ARHGEF4: variants seen among roughly 807,000 people sequenced by gnomAD.
The protein encoded by ARHGEF4 is APC-stimulated guanine nucleotide exchange factor 1.
In ARHGEF4, 119 loss-of-function variants were observed where a neutral mutation model predicts 162.0. The ratio of observed to expected loss-of-function variants is 0.73; its 90% confidence interval spans 0.63 to 0.86. The LOEUF is 0.86. ARHGEF4 is among the 40% of genes least tolerant of loss of function. ARHGEF4 has a pLI of 0.00. For synonymous variants in ARHGEF4, 1,014 were observed against 979.9 expected, an observed-to-expected ratio of 1.03 and a Z score of -0.65; for missense variants, 2,488 against 2,456.0, an observed-to-expected ratio of 1.01 and a Z score of -0.28.
intron 12 of ARHGEF4, among the ~76,000 whole-genome samples, chr2:131,044,992 A>T (rs983293498): frequency 1.3e-5 from 2 of 151,620 alleles, no homozygotes; most frequent in African/African-American, 4.8e-5. Flanking sequence ...TCTCCCCACT[A>T]CACCTTCCCT....
At chr2:130,962,550 A>G (rs1030478678) in intron 4 of ARHGEF4, among the ~76,000 whole-genome samples, 14 of 152,184 alleles carry the variant, frequency 9.2e-5, no homozygotes, top group African/African-American at 3.1e-4. Context: ...GAAAGCGTCT[A>G]TGAAGCTGCA....
chr2:131,046,387 C>CA lies in ARHGEF4; in HGVS notation c.*199dup, dbSNP rs2105429278. On this transcript the variant is annotated 3_prime_UTR_variant, in exon 14 of 14. Coordinates refer to ENST00000409359, the MANE Select transcript of ARHGEF4 (RefSeq NM_001367493.1). ...CCTGCTCCTGGTGCCCTGAAGAGAC[C>CA]AGCAAGGGGGCAGACCCCGCACTCG... is the stretch of plus-strand genomic sequence containing the variant. 1 of 615,004 alleles carries CA rather than the reference C, an allele frequency of 1.6e-6. No individual in the cohort carries two copies. The highest frequency in any genetic ancestry group is 2.9e-5 in the East Asian group (1 of 35,054). 38.1% of individuals were successfully genotyped at this position (615,004 alleles called of 1,614,324 possible).
At chr2:130,882,886 G>A (rs532709104) in intron 1 of ARHGEF4, among the ~76,000 whole-genome samples, 293 of 152,094 alleles carry the variant, frequency 1.9e-3, no homozygotes, top group Non-Finnish European at 3.5e-3. Flanking sequence ...AGGGACATAG[G>A]GCTGGACATC....
intron 3 of ARHGEF4, among the ~76,000 whole-genome samples, chr2:130,932,242 G>T (rs1025064214): frequency 2.0e-5 from 3 of 151,998 alleles, no homozygotes; most frequent in African/African-American, 7.2e-5. Context: ...TTCTTTGTAT[G>T]GCTAAGTAAC....
chr2:130,976,486 ATAGT>A (rs1685724202), intron 4 of ARHGEF4, among the ~76,000 whole-genome samples: 1 of 152,118 alleles, frequency 6.6e-6, no homozygotes, highest in Admixed American at 6.6e-5. Flanking sequence ...TGGGAAGAGA[ATAGT>A]TAGGCAGTCG....
intron 4 of ARHGEF4, among the ~76,000 whole-genome samples, chr2:131,015,790 C>T (rs1005684296): frequency 1.3e-5 from 2 of 152,198 alleles, no homozygotes; most frequent in Non-Finnish European, 2.9e-5. Context: ...CAAGCTTTGG[C>T]CCCTTGTGAG....
chr2:130,873,251 A>G (rs981629170), intron 1 of ARHGEF4, among the ~76,000 whole-genome samples: 1 of 152,206 alleles, frequency 6.6e-6, no homozygotes, highest in African/African-American at 2.4e-5. Flanking sequence ...GGCCTGTGGC[A>G]AAGGTTCAAC....
intron 4 of ARHGEF4, among the ~76,000 whole-genome samples, chr2:130,984,326 A>G (rs1686325312): frequency 6.6e-6 from 1 of 152,148 alleles, no homozygotes; most frequent in Non-Finnish European, 1.5e-5. Context: ...TGCAACTCCA[A>G]CCCACTTTCC....
chr2:130,925,729 C>G (rs1682202135), intron 2 of ARHGEF4, among the ~76,000 whole-genome samples: 1 of 152,190 alleles, frequency 6.6e-6, no homozygotes, highest in Admixed American at 6.5e-5. Context: ...TTTTTACCCT[C>G]TCACTGCTCT....
At position 130,916,313 on chromosome 2, in the gene ARHGEF4, G is replaced by A. The variant is rs753117494; in HGVS notation, c.2367G>A (p.Gly789=). The change falls in exon 2 of 14, where the codon GGG becomes GGA. Residue 789 remains glycine, a synonymous_variant. Transcript: ENST00000409359. Reference sequence around the variant, plus strand: ...TCCGCAAGGGCGCGCAGGAGCCTGGGAAGCGCCCGACGTTTTCCAAGGTGA... The same window carrying A: ...TCCGCAAGGGCGCGCAGGAGCCTGGAAAGCGCCCGACGTTTTCCAAGGTGA... ...RGLRKGAQEP[G]KRPTFSKVTS... 1.6e-4 allele frequency: 242 copies of A among 1,542,468 alleles called. 2 individuals carry two copies. Among genetic ancestry groups the A allele is most frequent in the Middle Eastern group, 2.2e-4 (1 of 4,616 alleles).
chr2:130,998,594 A>G (rs34612001), intron 4 of ARHGEF4, among the ~76,000 whole-genome samples: 11,782 of 152,208 alleles, frequency 0.077, 550 homozygotes, highest in African/African-American at 0.12. Context: ...TCTTTCACTT[A>G]CCAGTATGCA....
chr2:130,900,566 T>C (rs1680428696), intron 1 of ARHGEF4, among the ~76,000 whole-genome samples: 1 of 152,238 alleles, frequency 6.6e-6, no homozygotes, highest in Admixed American at 6.5e-5. Flanking sequence ...AATGTCTTTT[T>C]TGAAGCTTTA....
chr2:131,032,080 C>T (rs1350390921), intron 5 of ARHGEF4, among the ~76,000 whole-genome samples: 1 of 152,164 alleles, frequency 6.6e-6, no homozygotes, highest in Non-Finnish European at 1.5e-5. Flanking sequence ...TCATGTCTTG[C>T]AGCATCCTGT....
chr2:130,946,582 G>C lies in ARHGEF4; in HGVS notation c.3932G>C (p.Ser1311Thr). The C allele has an allele frequency of 8.1e-6, 13 of 1,614,112 alleles. No individual in the cohort carries two copies. Among genetic ancestry groups the C allele is most frequent in the Non-Finnish European group, 1.0e-5 (12 of 1,179,982 alleles). ...LPRRSHPLSQSAPTGLNHMGW... is the reference protein window; with the variant it reads ...LPRRSHPLSQTAPTGLNHMGW... ...AGAAGAAGCCATCCACTCTCCCAGA[G>C]TGCTCCAACGGGACTGAACCACATG... is the stretch of plus-strand genomic sequence containing the variant. The change falls in exon 4 of 14, where the codon AGT becomes ACT. Residue 1311 changes from serine (S) to threonine (T), a missense_variant. By Grantham distance (58) the Ser-to-Thr change is moderately conservative. Coordinates refer to ENST00000409359, the MANE Select transcript of ARHGEF4 (RefSeq NM_001367493.1).
In ARHGEF4 at chr2:130,916,528, C is replaced by G. The variant is rs1473640761; in HGVS notation, c.2582C>G (p.Pro861Arg). The G allele has an allele frequency of 1.9e-6, 3 of 1,549,588 alleles. No individual in the cohort carries two copies. The African/African-American group carries it at 4.1e-5, about 21-fold the overall frequency. Reference sequence around the variant, plus strand: ...GCCAGCGCCTGGCCCGAGTTTGTCCCGCAGGCTGCAGGCGACAGGACTGCA... The same window carrying G: ...GCCAGCGCCTGGCCCGAGTTTGTCCGGCAGGCTGCAGGCGACAGGACTGCA... ...GDASAWPEFVPQAAGDRTAGP... is the reference protein window; with the variant it reads ...GDASAWPEFVRQAAGDRTAGP... Residue 861 changes from proline (P) to arginine (R), a missense_variant, in exon 2 of 14, where the codon CCG (proline) becomes CGG (arginine). Pro to Arg is a moderately radical substitution (Grantham distance 103). Around this residue, in one of 6 missense-constraint regions of ARHGEF4, gnomAD observed 1,642 missense variants for 1,481.5 expected, o/e 1.11. Coordinates refer to ENST00000409359, the MANE Select transcript of ARHGEF4 (RefSeq NM_001367493.1).
chr2:130,940,704 G>A (rs1378134114), intron 3 of ARHGEF4, among the ~76,000 whole-genome samples: 5 of 149,990 alleles, frequency 3.3e-5, no homozygotes, highest in East Asian at 2.0e-4. Flanking sequence ...GGTGGCGGGC[G>A]CCTGTAGTCC....
chr2:130,926,810 A>ATTTTTTTGTTTTTTTTTT (rs1682320212), intron 2 of ARHGEF4, among the ~76,000 whole-genome samples: 1 of 48,948 alleles, frequency 2.0e-5, no homozygotes, highest in Non-Finnish European at 3.6e-5. Context: ...CTTCTGGCTG[A>ATTTTTTTGTTTTTTTTTT]TTTTTTTTTT....
At chr2:131,042,522 T>C (rs1005229827) in intron 10 of ARHGEF4, among the ~76,000 whole-genome samples, 4 of 149,260 alleles carry the variant, frequency 2.7e-5, no homozygotes, top group African/African-American at 1.0e-4. Context: ...CCCACATGGG[T>C]GCTGCCACCA....
intron 3 of ARHGEF4, among the ~76,000 whole-genome samples, 154 bp downstream of exon 3, chr2:130,931,411 C>T (rs993484486): frequency 6.6e-5 from 10 of 152,168 alleles, no homozygotes; most frequent in Admixed American, 6.5e-5. Context: ...CTGGGCCACA[C>T]TCAGTACTGC....
Sources: allele counts gnomAD v4.1 joint callset (sites outside exome capture counted in the v4.1 genomes callset), GRCh38; gene constraint gnomAD v4.1.1; regional missense constraint gnomAD v4.1.1; transcripts MANE v1.5; gene names NCBI Gene and HGNC (gene_info 2026-07-23, HGNC 2026-07-21).